The following PCDHA8 variants were observed in gnomAD, a reference collection of about 807,000 sequenced individuals.
PCDHA8 encodes protocadherin alpha 8, also known as protocadherin alpha-8.
PCDHA8 carries 53 observed loss-of-function variants against 61.8 expected under a neutral mutation model. The observed-to-expected ratio is 0.86, with a 90% CI of 0.69 to 1.08. The LOEUF is 1.08. PCDHA8 is among the 50% of genes least tolerant of loss of function. PCDHA8 has a pLI of 0.00. For synonymous variants in PCDHA8, 618 were observed against 556.6 expected (o/e 1.11, Z -1.55); for missense variants, 1,293 against 1,245.0 (o/e 1.04, Z -0.58).
chr5:140,870,382 C>T, intron 1 of PCDHA8: 1 of 1,614,178 alleles, frequency 6.2e-7, no homozygotes, highest in Non-Finnish European at 8.5e-7. Context: ...GGTGACTGCG[C>T]GGGATGGGGG....
intron 1 of PCDHA8, chr5:140,967,239 G>A: frequency 1.9e-6 from 3 of 1,613,672 alleles, no homozygotes; most frequent in Non-Finnish European, 2.5e-6. Context: ...CTTCAGGTAA[G>A]CGAATCGGTG....
rs375771604 is a variant in PCDHA8, at chr5:140,876,994, G to A, written c.2394+33279G>A. ...GGGCGAGCACGCACTGTCGAGCTAC[G>A]TGTCGGTGCACGCGGAGAGCGGCAA... On this transcript the variant is annotated intron_variant, in intron 1 of 3. Transcript: ENST00000531613. The A allele has an allele frequency of 5.6e-6, 9 of 1,612,502 alleles. No individual in the cohort carries two copies. The highest frequency in any genetic ancestry group is 5.0e-5 in the Admixed American group (3 of 59,998).
chr5:140,870,085 C>T lies in PCDHA8; in HGVS notation c.2394+26370C>T, dbSNP rs200687541. ...ACAGGCTACAGATAAGGGGACTCCCCCAATGGCAGGTCACTGTACAGTCTG... is the reference window on the plus strand; with the variant it reads ...ACAGGCTACAGATAAGGGGACTCCCTCAATGGCAGGTCACTGTACAGTCTG... On this transcript the variant is annotated intron_variant, in intron 1 of 3. Coordinates refer to ENST00000531613, the MANE Select transcript of PCDHA8 (RefSeq NM_018911.3). 1.7e-4 allele frequency: 271 copies of T among 1,613,744 alleles called. No homozygotes were observed. The highest frequency in any genetic ancestry group is 1.8e-4 in the Non-Finnish European group (215 of 1,179,872).
intron 1 of PCDHA8, chr5:140,865,693 C>T (rs1274401482): frequency 6.6e-6 from 1 of 152,076 alleles, no homozygotes; most frequent in South Asian, 2.1e-4. Context: ...TATGACTGTT[C>T]CAATTTGAAA....
rs2150333421 is a variant in PCDHA8 at position 140,842,282 on chromosome 5, G to A, written c.961G>A (p.Asp321Asn). 1 of 1,610,576 alleles carries A rather than the reference G, an allele frequency of 6.2e-7. No individual in the cohort carries two copies. The highest frequency in any genetic ancestry group is 1.7e-5 in the Admixed American group (1 of 59,992). Residue 321 changes from aspartate (D) to asparagine (N), a missense_variant, in exon 1 of 4, where the codon GAC becomes AAC. By Grantham distance (23) the Asp-to-Asn change is conservative. Coordinates refer to ENST00000531613, the MANE Select transcript of PCDHA8 (RefSeq NM_018911.3). ...AGAAAACTTATACAAAATCCTCATT[G>A]ACGCCACGGACAAAGGCCATCCTCC... ...EQENLYKILI[D>N]ATDKGHPPMA... is the part of the protein sequence containing the mutation.
chr5:140,876,077 G>C, intron 1 of PCDHA8: 4 of 1,613,956 alleles, frequency 2.5e-6, no homozygotes, highest in Non-Finnish European at 3.4e-6. Flanking sequence ...TTATTGGACA[G>C]AGAGCAAACG....
At chr5:140,927,592 G>A in intron 1 of PCDHA8, 5 of 1,614,170 alleles carry the variant, frequency 3.1e-6, no homozygotes, top group Non-Finnish European at 4.2e-6. Context: ...GCCTGTATTT[G>A]AGCGCTCCGT....
rs1554151079 is a variant in PCDHA8 at position 140,858,031 on chromosome 5, G to T, written c.2394+14316G>T. 1.2e-5 allele frequency: 19 copies of T among 1,597,102 alleles called. 3 individuals are homozygous for T. The highest frequency in any genetic ancestry group is 1.5e-5 in the Non-Finnish European group (17 of 1,167,242). On this transcript the variant is annotated intron_variant, in intron 1 of 3. Coordinates refer to ENST00000531613, the MANE Select transcript of PCDHA8 (RefSeq NM_018911.3). ...ATGGCGAGCCGTCGCTGACGGCCACGGCCACTGTGCTTGTGTCGCTTGTGG... is the reference window on the plus strand; with the variant it reads ...ATGGCGAGCCGTCGCTGACGGCCACTGCCACTGTGCTTGTGTCGCTTGTGG...
At chr5:140,862,356 A>G in intron 1 of PCDHA8, 1 of 338,010 alleles carries the variant, frequency 3.0e-6, no homozygotes, top group Non-Finnish European at 5.8e-6. Context: ...GCCAAGGGAC[A>G]GACGACCCGC....
intron 3 of PCDHA8, among the ~76,000 whole-genome samples, chr5:141,006,057 A>G (rs2098253248): frequency 6.6e-6 from 1 of 152,022 alleles, no homozygotes. Context: ...AGAGTGGAGA[A>G]GAAATAAAAA....
In PCDHA8 at chr5:140,853,250, T is replaced by C. The variant is rs187095987; in HGVS notation, c.2394+9535T>C. 492 of 976,066 alleles carry C rather than the reference T, an allele frequency of 5.0e-4. 28 individuals carry two copies. The African/African-American group carries it at 6.8e-3, about 14-fold the overall frequency. The allele number at this position is 976,066 out of a possible 1,614,324, so 60.5% of individuals were successfully genotyped here. On this transcript the variant is annotated intron_variant, in intron 1 of 3. Transcript: ENST00000531613. ...ATTTAGTCCTTCATATTAATCTCTA[T>C]TCTCTCTCAGAGTACAAGCTCTCAT... is the stretch of plus-strand genomic sequence containing the variant.
rs191365735 is a variant in PCDHA8 at position 140,910,066 on chromosome 5, C to T, written c.2394+66351C>T. Among the ~76,000 whole-genome samples the T allele has an allele frequency of 7.2e-5, 11 of 152,234 alleles. No individual in the cohort carries two copies. In the East Asian group the frequency reaches 1.5e-3, roughly 21 times the overall value. On this transcript the variant is annotated intron_variant, in intron 1 of 3. Coordinates refer to ENST00000531613, the MANE Select transcript of PCDHA8 (RefSeq NM_018911.3). ...GTCATAATAAGTGATCTTTTAACAG[C>T]GTAAATTGTTGTCAAGGGGAACCAG...
chr5:140,883,674 C>T (rs782029001), intron 1 of PCDHA8: 5 of 1,613,738 alleles, frequency 3.1e-6, no homozygotes, highest in African/African-American at 2.7e-5. Flanking sequence ...GAAAACAATC[C>T]GCCGGGCTGC....
intron 1 of PCDHA8, chr5:140,969,335 A>G (rs782267073): frequency 1.2e-6 from 2 of 1,614,012 alleles, no homozygotes; most frequent in Admixed American, 3.3e-5. Context: ...AAATGAGGTG[A>G]GACAGTGGTC....
rs2150459394 is a variant in PCDHA8 at position 140,849,947 on chromosome 5, G to T, written c.2394+6232G>T. On this transcript the variant is annotated intron_variant, in intron 1 of 3. Transcript: ENST00000531613. The stretch of plus-strand genomic sequence containing the variant: ...CGGTGTCTGCGCGGGACGCTGACGC[G>T]CAGGAGAACGCCCTGGTGTCCTACT... 4 of 1,597,722 alleles carry T rather than the reference G, an allele frequency of 2.5e-6. No homozygotes were observed. In the African/African-American group the frequency reaches 4.0e-5, roughly 16 times the overall value.
intron 1 of PCDHA8, chr5:140,929,069 G>A (rs1554206647): frequency 1.2e-6 from 2 of 1,614,192 alleles, no homozygotes; most frequent in Non-Finnish European, 8.5e-7. Context: ...GAGGATCTGA[G>A]GTATGGAAGT....
chr5:140,873,086 C>T (rs984385666), intron 1 of PCDHA8, among the ~76,000 whole-genome samples: 6 of 152,122 alleles, frequency 3.9e-5, no homozygotes, highest in African/African-American at 9.7e-5. Context: ...ATTTCCCCCC[C>T]GTATAGAGGC....
chr5:140,856,146 C>CA, intron 1 of PCDHA8: 2 of 1,598,308 alleles, frequency 1.3e-6, no homozygotes, highest in Non-Finnish European at 1.7e-6. Context: ...CTCCACTACT[C>CA]AGTCTACGAG....
chr5:140,850,871 C>T (rs2041861877), intron 1 of PCDHA8: 1 of 1,591,984 alleles, frequency 6.3e-7, no homozygotes, highest in Admixed American at 1.7e-5. Flanking sequence ...CCTCTGCTTC[C>T]TCAGATTCAA....
Sources: allele counts gnomAD v4.1 joint callset (sites outside exome capture counted in the v4.1 genomes callset), GRCh38; gene constraint gnomAD v4.1.1; transcripts MANE v1.5; gene names NCBI Gene and HGNC (gene_info 2026-07-23, HGNC 2026-07-21).